PTPRF: variants seen among roughly 807,000 people sequenced by gnomAD.
PTPRF encodes the protein protein tyrosine phosphatase receptor type F.
A neutral mutation model predicts 201.8 loss-of-function variants in PTPRF; 59 were observed. The observed-to-expected ratio is 0.29, with a 90% CI of 0.24 to 0.36. The LOEUF (loss-of-function observed/expected upper bound fraction) is 0.36, where lower values mean the gene tolerates loss of function less well. Ranked by LOEUF, PTPRF falls within the 10% of genes least tolerant of loss-of-function variation. PTPRF has a pLI of 1.00. For missense variants in PTPRF, 2,132 were observed against 2,690.5 expected (o/e 0.79, Z 4.59); for synonymous variants, 1,088 against 1,089.7 (o/e 1.00, Z 0.03).
intron 6 of PTPRF, among the ~76,000 whole-genome samples, chr1:43,570,005 A>G (rs1311024044): frequency 6.6e-6 from 1 of 152,158 alleles, no homozygotes; most frequent in Non-Finnish European, 1.5e-5. Flanking sequence ...ACTTTGGGCC[A>G]GTTCTGCCCC....
At chr1:43,581,366 T>C (rs1440903573) in intron 7 of PTPRF, among the ~76,000 whole-genome samples, 2 of 152,208 alleles carry the variant, frequency 1.3e-5, no homozygotes, top group Non-Finnish European at 2.9e-5. Context: ...CACACACACA[T>C]ACGACGTTCC....
upstream of PTPRF, among the ~76,000 whole-genome samples, chr1:43,523,246 A>C (rs1643007383): frequency 6.6e-6 from 1 of 152,078 alleles, no homozygotes; most frequent in Non-Finnish European, 1.5e-5. Flanking sequence ...GGAGATGTTG[A>C]CTAGGCAGCT....
intron 5 of PTPRF, among the ~76,000 whole-genome samples, chr1:43,562,356 C>T (rs548130802): frequency 1.3e-5 from 2 of 152,206 alleles, no homozygotes; most frequent in South Asian, 2.1e-4. Flanking sequence ...GATCCACCCG[C>T]CTCAGCCTCC....
At chr1:43,614,917 C>A (rs1425848644) in intron 23 of PTPRF, among the ~76,000 whole-genome samples, 2 of 151,984 alleles carry the variant, frequency 1.3e-5, no homozygotes, top group Non-Finnish European at 2.9e-5. Context: ...GAGAGAGAGA[C>A]CTCCTCCTCT....
Position 43,622,074 on chromosome 1 carries a change from C to G in PTPRF, c.*71C>G, listed in dbSNP as rs539468719. 6.6e-6 allele frequency: 10 copies of G among 1,507,334 alleles called. No individual in the cohort carries two copies. Among genetic ancestry groups the G allele is most frequent in the South Asian group, 5.6e-5 (5 of 88,844 alleles). 93.4% of individuals were successfully genotyped at this position (1,507,334 alleles called of 1,614,324 possible). A position where few individuals can be genotyped will look rare whatever the true frequency, so the allele number is the denominator to read the frequency against. ...GGGGACCCAGCTCCTCTGAGCCATA[C>G]CGACCATCGTCCAGCCCTCCTACGC... On this transcript the variant is annotated 3_prime_UTR_variant, in exon 34 of 34. Transcript: ENST00000359947.
chr1:43,562,073 G>T (rs1645843625), intron 5 of PTPRF, among the ~76,000 whole-genome samples: 1 of 152,086 alleles, frequency 6.6e-6, no homozygotes, highest in Non-Finnish European at 1.5e-5. Context: ...CCTTGGTAAG[G>T]TGCTCCCTCC....
chr1:43,527,400 T>A (rs893232209), upstream of PTPRF, among the ~76,000 whole-genome samples: 5 of 152,228 alleles, frequency 3.3e-5, no homozygotes, highest in African/African-American at 1.2e-4. Context: ...CACCTGAGCT[T>A]CTCATCCATG....
intron 6 of PTPRF, among the ~76,000 whole-genome samples, chr1:43,573,440 G>A (rs926938098): frequency 6.6e-6 from 1 of 152,194 alleles, no homozygotes; most frequent in Non-Finnish European, 1.5e-5. Flanking sequence ...ACCCTGAGGC[G>A]AAACCTGGGG....
At chr1:43,538,073 T>C (rs1174400232) in intron 1 of PTPRF, 125 bp from the exon 2 acceptor site, 3 of 395,388 alleles carry the variant, frequency 7.6e-6, no homozygotes, top group South Asian at 1.4e-4. Context: ...TGGTTCTACA[T>C]GAACATTTCC....
rs112685220 is a variant in PTPRF, at chr1:43,539,770, G to A, written c.-46+1493G>A. On this transcript the variant is annotated intron_variant, in intron 2 of 33. Transcript: ENST00000359947. ...AGTCTTGCCAGAATAGGTACCTGAA[G>A]GTGGAGCCCTCTGTCCTCTCGGGAG... Among the ~76,000 whole-genome samples the A allele has an allele frequency of 4.8e-3, 726 of 152,330 alleles. 10 individuals carry two copies. Among genetic ancestry groups the A allele is most frequent in the African/African-American group, 0.016 (672 of 41,578 alleles).
At chr1:43,533,027 A>G (rs1002738604) in intron 1 of PTPRF, among the ~76,000 whole-genome samples, 1 of 152,168 alleles carries the variant, frequency 6.6e-6, no homozygotes, top group Non-Finnish European at 1.5e-5. Flanking sequence ...ATTTTTGTAT[A>G]TGCACTTTCT....
rs1644685570 is a variant in PTPRF at position 43,546,536 on chromosome 1, C to T, written c.91+1370C>T. Among the ~76,000 whole-genome samples the T allele has an allele frequency of 6.6e-6, 1 of 152,088 alleles. No individual in the cohort carries two copies. Among genetic ancestry groups the T allele is most frequent in the African/African-American group, 2.4e-5 (1 of 41,388 alleles). ...AGGCTTGTCCACGTGTGGTCAGTAGCTCTTGGACATTGAAGTACTGTCCTT... is the reference window on the plus strand; with the variant it reads ...AGGCTTGTCCACGTGTGGTCAGTAGTTCTTGGACATTGAAGTACTGTCCTT... On this transcript the variant is annotated intron_variant, in intron 3 of 33. Coordinates refer to ENST00000359947, the MANE Select transcript of PTPRF (RefSeq NM_002840.5). This position sits in a 1 kb window ranked among gnomAD's most constrained non-coding sequence, Gnocchi z 4.2.
chr1:43,550,242 C>G (rs1435642844), intron 3 of PTPRF, among the ~76,000 whole-genome samples: 1 of 152,220 alleles, frequency 6.6e-6, no homozygotes, highest in Admixed American at 6.5e-5. Flanking sequence ...TTGGGCACAG[C>G]CCAGCCTCCC....
Position 43,554,586 on chromosome 1 carries a change from A to G in PTPRF, c.379+645A>G, listed in dbSNP as rs906627703. Among the ~76,000 whole-genome samples, 5 of 152,136 alleles carry G rather than the reference A, an allele frequency of 3.3e-5. No homozygotes were observed. The highest frequency in any genetic ancestry group is 1.9e-4 in the East Asian group (1 of 5,186). The stretch of plus-strand genomic sequence containing the variant: ...CTTTCAGAGAGCTCTGAGTAGTTCA[A>G]TTTGGGTTTTCTGGAGGGCAGAGGG... On this transcript the variant is annotated intron_variant, in intron 5 of 33. Transcript: ENST00000359947. The surrounding 1 kb of genome is among the most constrained non-coding windows in gnomAD (Gnocchi z 4.1).
At chr1:43,602,554 G>T (rs577698574) in intron 14 of PTPRF, among the ~76,000 whole-genome samples, 1 of 152,288 alleles carries the variant, frequency 6.6e-6, no homozygotes, top group African/African-American at 2.4e-5. Flanking sequence ...GGTGGCAGCT[G>T]CAGGGGCCCC....
At position 43,569,752 on chromosome 1, in the gene PTPRF, A is replaced by G. The variant is rs1050427151; in HGVS notation, c.542A>G (p.Asn181Ser). 6.2e-7 allele frequency: 1 copy of G among 1,612,430 alleles called. No homozygotes were observed. The highest frequency in any genetic ancestry group is 1.7e-5 in the Admixed American group (1 of 59,942). ...CTTCCTGTAGACCCTGCCACGAGCAACGGCCGCATCAAGCAGCTGCGTTCA... is the reference window on the plus strand; with the variant it reads ...CTTCCTGTAGACCCTGCCACGAGCAGCGGCCGCATCAAGCAGCTGCGTTCA... ...DFLPVDPATS[N>S]GRIKQLRSGA... The change falls in exon 6 of 34, where the codon AAC becomes AGC. Residue 181 changes from asparagine (N) to serine (S), a missense_variant. Coordinates refer to ENST00000359947, the MANE Select transcript of PTPRF (RefSeq NM_002840.5).
chr1:43,614,577 G>A (rs1421277955), intron 23 of PTPRF, among the ~76,000 whole-genome samples: 1 of 152,194 alleles, frequency 6.6e-6, no homozygotes, highest in African/African-American at 2.4e-5. Context: ...CTGGCCAGGC[G>A]CAGTCGCTCA....
intron 2 of PTPRF, among the ~76,000 whole-genome samples, chr1:43,541,485 T>G (rs535452771): frequency 1.3e-5 from 2 of 152,344 alleles, no homozygotes; most frequent in East Asian, 1.9e-4. Flanking sequence ...AGTGCCTGCT[T>G]CTTCCTTTTC....
At chr1:43,602,282 C>T (rs1198729906) in intron 14 of PTPRF, among the ~76,000 whole-genome samples, 185 bp downstream of exon 14, 1 of 152,248 alleles carries the variant, frequency 6.6e-6, no homozygotes, top group Admixed American at 6.5e-5. Context: ...TTCCTCTAAT[C>T]CTTACTTCTT....
Sources: allele counts gnomAD v4.1 joint callset (sites outside exome capture counted in the v4.1 genomes callset), GRCh38; gene constraint gnomAD v4.1.1; non-coding constraint Gnocchi (gnomAD v3.1); transcripts MANE v1.5; gene names NCBI Gene and HGNC (gene_info 2026-07-23, HGNC 2026-07-21).